The following STXBP4 variants were observed in gnomAD, a reference collection of about 807,000 sequenced individuals.
The protein encoded by STXBP4 is syntaxin binding protein 4.
STXBP4 carries 55 observed loss-of-function variants against 76.1 expected under a neutral mutation model. The observed-to-expected ratio is 0.72, with a 90% confidence interval of 0.58 to 0.91. STXBP4 has a LOEUF of 0.91. Among genes scored for constraint, STXBP4 ranks in the 40% least tolerant of loss-of-function variants. The probability of loss-of-function intolerance (pLI) is 0.00; values close to 1 mark genes in which losing one functional copy is unlikely to be tolerated. For synonymous variants in STXBP4, 201 were observed against 220.2 expected (o/e 0.91, Z 0.77); for missense variants, 618 against 636.9 (o/e 0.97, Z 0.32).
At chr17:55,007,381 C>A in intron 7 of STXBP4, 125 bp from the exon 8 acceptor site, 9 of 686,876 alleles carry the variant, frequency 1.3e-5, no homozygotes, top group East Asian at 2.9e-5. Context: ...GCAAACAAAA[C>A]TAAAAGCTGC....
chr17:55,192,979 A>G, the STXBP4 span, among the ~76,000 whole-genome samples: 1 of 152,196 alleles, frequency 6.6e-6, no homozygotes, highest in Non-Finnish European at 1.5e-5. Context: ...GACTGCAAAT[A>G]CCATGCACTT....
At chr17:55,189,778 G>C in the STXBP4 span, among the ~76,000 whole-genome samples, 2 of 152,182 alleles carry the variant, frequency 1.3e-5, no homozygotes, top group African/African-American at 4.8e-5. Context: ...AAGTATAAGA[G>C]TCATCTATGT....
the STXBP4 span, among the ~76,000 whole-genome samples, chr17:55,185,251 C>CCTT: frequency 1.7e-3 from 82 of 49,372 alleles, 1 homozygote; most frequent in African/African-American, 6.0e-3. Flanking sequence ...TTCTTCTTCT[C>CCTT]CTTCTCCTTC....
chr17:55,125,578 C>T (rs1242854344), intron 16 of STXBP4, among the ~76,000 whole-genome samples: 1 of 150,546 alleles, frequency 6.6e-6, no homozygotes. Flanking sequence ...AAGGACCCAA[C>T]ATAGGATAAG....
chr17:55,035,885 AATTG>A (rs2078592586), intron 10 of STXBP4, among the ~76,000 whole-genome samples: 2 of 151,866 alleles, frequency 1.3e-5, no homozygotes, highest in Admixed American at 1.3e-4. Context: ...ATTTACTTTT[AATTG>A]ACAAATAATA....
At chr17:55,130,437 T>A (rs981719885) in intron 16 of STXBP4, among the ~76,000 whole-genome samples, 1 of 152,220 alleles carries the variant, frequency 6.6e-6, no homozygotes, top group Non-Finnish European at 1.5e-5. Context: ...TAGAGTACAA[T>A]GTGATGTTTC....
At chr17:55,064,641 G>A (rs560750562) in intron 12 of STXBP4, among the ~76,000 whole-genome samples, 8 of 149,036 alleles carry the variant, frequency 5.4e-5, no homozygotes, top group African/African-American at 1.7e-4. Flanking sequence ...TTGCAGGCAC[G>A]CCACCCGCCA....
chr17:54,999,297 T>C (rs2077867719), intron 4 of STXBP4, 48 bp from the exon 5 acceptor site: 3 of 1,447,148 alleles, frequency 2.1e-6, no homozygotes, highest in East Asian at 2.3e-5. Context: ...ATTAATTTTT[T>C]TTTAAATACC....
chr17:55,032,546 G>A (rs751905139), intron 9 of STXBP4, among the ~76,000 whole-genome samples: 2 of 152,082 alleles, frequency 1.3e-5, no homozygotes, highest in Non-Finnish European at 2.9e-5. Flanking sequence ...TTTTTAGGCA[G>A]GATATTAAAA....
intron 12 of STXBP4, among the ~76,000 whole-genome samples, chr17:55,062,996 T>C (rs1012034826): frequency 6.6e-6 from 1 of 152,230 alleles, no homozygotes; most frequent in African/African-American, 2.4e-5. Flanking sequence ...CAAACTTAGT[T>C]GGATTTTTTT....
intron 16 of STXBP4, among the ~76,000 whole-genome samples, chr17:55,120,229 T>A (rs1394832918): frequency 6.6e-6 from 1 of 152,220 alleles, no homozygotes; most frequent in Non-Finnish European, 1.5e-5. Context: ...TACATTTAGC[T>A]GCAAGCATTT....
chr17:55,042,363 A>T (rs974522196), intron 10 of STXBP4, among the ~76,000 whole-genome samples: 2 of 152,102 alleles, frequency 1.3e-5, no homozygotes, highest in Non-Finnish European at 2.9e-5. Context: ...GTCTTTAGCA[A>T]TGCATCTGCA....
intron 12 of STXBP4, among the ~76,000 whole-genome samples, chr17:55,051,869 A>G (rs2078863989): frequency 6.6e-6 from 1 of 151,506 alleles, no homozygotes; most frequent in Non-Finnish European, 1.5e-5. Flanking sequence ...GTATGTACAC[A>G]TGTGTATTAT....
intron 11 of STXBP4, among the ~76,000 whole-genome samples, chr17:55,046,121 T>C (rs2078782915): frequency 6.6e-6 from 1 of 152,052 alleles, no homozygotes; most frequent in Non-Finnish European, 1.5e-5. Flanking sequence ...AGAATTCACA[T>C]TGCTACTGCT....
At chr17:55,098,655 G>C (rs1422265538) in intron 16 of STXBP4, among the ~76,000 whole-genome samples, 2 of 152,182 alleles carry the variant, frequency 1.3e-5, no homozygotes, top group African/African-American at 2.4e-5. Flanking sequence ...AGTTTGGATT[G>C]AGAGGTCCAG....
intron 1 of STXBP4, among the ~76,000 whole-genome samples, chr17:54,973,332 G>A (rs2077426063): frequency 6.6e-6 from 1 of 152,136 alleles, no homozygotes; most frequent in African/African-American, 2.4e-5. Flanking sequence ...CAAAAACACT[G>A]AAGCCTTTCT....
rs1048149217 is a variant in STXBP4 at position 55,160,842 on chromosome 17, A to G, written c.*931A>G. 6.6e-6 allele frequency: 1 copy of G among 152,312 alleles called. No homozygotes were observed. The highest frequency in any genetic ancestry group is 2.4e-5 in the African/African-American group (1 of 41,446). 9.4% of individuals were successfully genotyped at this position (152,312 alleles called of 1,614,324 possible). Reference sequence around the variant, plus strand: ...TCGCCAAGTAGGCGCACTCTTTGTGATATTGTTTCAGCAGACTTCTTTCAG... The same window carrying G: ...TCGCCAAGTAGGCGCACTCTTTGTGGTATTGTTTCAGCAGACTTCTTTCAG... On this transcript the variant is annotated 3_prime_UTR_variant, in exon 18 of 18. Coordinates refer to ENST00000376352, the MANE Select transcript of STXBP4 (RefSeq NM_178509.6).
intron 12 of STXBP4, among the ~76,000 whole-genome samples, chr17:55,063,177 A>G: frequency 6.6e-6 from 1 of 152,212 alleles, no homozygotes; most frequent in East Asian, 1.9e-4. Flanking sequence ...GTGATTCATT[A>G]GAGGTGAATG....
At chr17:55,086,545 C>G (rs1368874821) in intron 16 of STXBP4, among the ~76,000 whole-genome samples, 1 of 152,140 alleles carries the variant, frequency 6.6e-6, no homozygotes, top group Non-Finnish European at 1.5e-5. Flanking sequence ...TCCCTATCCC[C>G]CTGTTCTCCG....
Sources: allele counts gnomAD v4.1 joint callset (sites outside exome capture counted in the v4.1 genomes callset), GRCh38; gene constraint gnomAD v4.1.1; transcripts MANE v1.5; gene names NCBI Gene and HGNC (gene_info 2026-07-23, HGNC 2026-07-21).